The following ADCY5 variants were observed in gnomAD, a reference collection of about 807,000 sequenced individuals.
ADCY5 encodes the protein adenylate cyclase 5, also known as adenylate cyclase type 5.
Under a neutral mutation model 119.7 loss-of-function variants are expected in ADCY5, and 30 were observed. The ratio of observed to expected loss-of-function variants is 0.25; its 90% CI spans 0.19 to 0.34. The LOEUF is 0.34. ADCY5 is among the 10% of genes least tolerant of loss of function. ADCY5 has a pLI of 1.00. For synonymous variants in ADCY5, 753 were observed against 762.2 expected (o/e 0.99, Z 0.20); for missense variants, 1,324 against 1,775.2 (o/e 0.75, Z 4.57).
intron 1 of ADCY5, among the ~76,000 whole-genome samples, chr3:123,435,978 C>G (rs1012807450): frequency 6.0e-5 from 9 of 150,486 alleles, no homozygotes; most frequent in African/African-American, 9.8e-5. Context: ...GCAACCTCTG[C>G]CTCCCGGGTT....
chr3:123,425,001 GTGACTT>G (rs920109853), intron 1 of ADCY5, among the ~76,000 whole-genome samples: 6 of 152,340 alleles, frequency 3.9e-5, no homozygotes, highest in Middle Eastern at 3.4e-3. Context: ...AGGGTCTGTT[GTGACTT>G]CTGGCGCACT....
chr3:123,396,723 GAGGGAGGA>G (rs1405948042), intron 1 of ADCY5, among the ~76,000 whole-genome samples: 102 of 94,888 alleles, frequency 1.1e-3, no homozygotes, highest in African/African-American at 4.3e-3. Flanking sequence ...AGAGAGAAGG[GAGGGAGGA>G]AGGAAGGAAG....
In ADCY5 at chr3:123,448,519, G is replaced by A. The variant is rs2107659497; in HGVS notation, c.27C>T (p.Pro9=). 7.9e-7 allele frequency: 1 copy of A among 1,265,188 alleles called. No individual in the cohort carries two copies. The highest frequency in any genetic ancestry group is 2.9e-5 in the South Asian group (1 of 35,004). 78.4% of individuals were successfully genotyped at this position (1,265,188 alleles called of 1,614,324 possible). The change falls in exon 1 of 21, where the codon CCC becomes CCT. Residue 9 remains proline (P), a synonymous_variant. Transcript: ENST00000462833. Reference sequence around the variant, plus strand: ...CAGTCTTCTGCGCCGCGTAGCCCGGGGGGCTCACGCTTTTGGAGCCGGACA... The same window carrying A: ...CAGTCTTCTGCGCCGCGTAGCCCGGAGGGCTCACGCTTTTGGAGCCGGACA... MSGSKSVS[P]PGYAAQKTAA...
rs990087678 is a variant in ADCY5, at chr3:123,315,012, C to A, written c.2355-690G>T. 2.6e-4 allele frequency among the ~76,000 whole-genome samples: 40 copies of A among 152,326 alleles called. 1 individual carries two copies. The highest frequency in any genetic ancestry group is 1.3e-4 in the Admixed American group (2 of 15,304). ...AGGTGCAGATCACAGGTGACCTTCACAGCCACCACGGGTGGCCACCCTCAG... is the reference window on the plus strand; with the variant it reads ...AGGTGCAGATCACAGGTGACCTTCAAAGCCACCACGGGTGGCCACCCTCAG... On this transcript the variant is annotated intron_variant, in intron 11 of 20. Coordinates refer to ENST00000462833, the MANE Select transcript of ADCY5 (RefSeq NM_183357.3).
At chr3:123,356,915 A>G (rs1943058830) in intron 1 of ADCY5, among the ~76,000 whole-genome samples, 1 of 152,146 alleles carries the variant, frequency 6.6e-6, no homozygotes, top group East Asian at 1.9e-4. Flanking sequence ...ACTCAGCTAT[A>G]AAAAGAAACA....
chr3:123,328,527 G>T, intron 6 of ADCY5, 117 bp downstream of exon 6: 2 of 1,263,058 alleles, frequency 1.6e-6, no homozygotes, highest in Non-Finnish European at 2.2e-6. Flanking sequence ...ACAGGTGCTT[G>T]CTGCCCATCC....
At chr3:123,291,653 G>A (rs1026104337) in intron 17 of ADCY5, among the ~76,000 whole-genome samples, 2 of 152,102 alleles carry the variant, frequency 1.3e-5, no homozygotes, top group African/African-American at 4.8e-5. Flanking sequence ...CCTGCAGCAG[G>A]GAGCCCCGAG....
rs375437829 is a variant in ADCY5, at chr3:123,289,883, G to A, written c.3399C>T (p.Ser1133=). The change falls in exon 19 of 21, where the codon TCC becomes TCT. Residue 1133 remains serine (S), a synonymous_variant. Transcript: ENST00000462833. The stretch of plus-strand genomic sequence containing the variant: ...TGTCGTAGGTAGAGTCGTTGAGGCC[G>A]GAGGCAGCCATGTAGGTGCTGCCGA... The part of the protein sequence containing the change: ...KTIGSTYMAA[S]GLNDSTYDKV... The A allele has an allele frequency of 2.2e-5, 35 of 1,614,088 alleles. No individual in the cohort carries two copies. The highest frequency in any genetic ancestry group is 5.0e-5 in the Admixed American group (3 of 60,006).
Position 123,414,364 on chromosome 3 carries a change from G to C in ADCY5, c.1134+33048C>G, listed in dbSNP as rs115845417. ...TTTTTCTAAACTGTAAAATGGGGATGATAATAGTTTCCACTTCGCTGACAC... is the reference window on the plus strand; with the variant it reads ...TTTTTCTAAACTGTAAAATGGGGATCATAATAGTTTCCACTTCGCTGACAC... On this transcript the variant is annotated intron_variant, in intron 1 of 20. Coordinates refer to ENST00000462833, the MANE Select transcript of ADCY5 (RefSeq NM_183357.3). Among the ~76,000 whole-genome samples the C allele has an allele frequency of 2.9e-3, 440 of 152,284 alleles. 2 individuals are homozygous for C. The highest frequency in any genetic ancestry group is 9.9e-3 in the African/African-American group (413 of 41,540).
chr3:123,331,161 A>T, intron 4 of ADCY5, 145 bp from the exon 5 acceptor site: 8 of 828,572 alleles, frequency 9.7e-6, no homozygotes, highest in East Asian at 2.9e-5. Context: ...GGAACTCGGC[A>T]TGGTCCTGGG....
chr3:123,322,352 C>A (rs975262969), intron 8 of ADCY5, among the ~76,000 whole-genome samples: 1 of 152,204 alleles, frequency 6.6e-6, no homozygotes, highest in African/African-American at 2.4e-5. Flanking sequence ...TTTCCCGATG[C>A]TCCTTTGGTC....
intron 3 of ADCY5, among the ~76,000 whole-genome samples, chr3:123,341,168 C>T (rs1238136976): frequency 6.6e-6 from 1 of 152,004 alleles, no homozygotes; most frequent in African/African-American, 2.4e-5. Context: ...AATATTTGTA[C>T]ACCCATGTTC....
At chr3:123,444,173 T>C (rs1945772387) in intron 1 of ADCY5, among the ~76,000 whole-genome samples, 1 of 152,110 alleles carries the variant, frequency 6.6e-6, no homozygotes, top group East Asian at 1.9e-4. Context: ...TGGCAGATGC[T>C]CCAGTGTTAT....
intron 1 of ADCY5, among the ~76,000 whole-genome samples, chr3:123,430,296 C>T (rs1036773061): frequency 1.9e-4 from 29 of 152,192 alleles, no homozygotes; most frequent in Admixed American, 2.0e-4. Flanking sequence ...CAGATCTGGA[C>T]TCACAGGGAC....
At position 123,289,883 on chromosome 3, in the gene ADCY5, G is replaced by T. The variant is rs375437829; in HGVS notation, c.3399C>A (p.Ser1133=). ...TGTCGTAGGTAGAGTCGTTGAGGCC[G>T]GAGGCAGCCATGTAGGTGCTGCCGA... ...KTIGSTYMAA[S]GLNDSTYDKV... is the part of the protein sequence containing the mutation. The change falls in exon 19 of 21, where the codon TCC becomes TCA. Residue 1133 remains serine, a synonymous_variant. Transcript: ENST00000462833. The T allele has an allele frequency of 6.2e-7, 1 of 1,614,206 alleles. No homozygotes were observed.
chr3:123,427,686 G>A lies in ADCY5; in HGVS notation c.1134+19726C>T, dbSNP rs1178876386. 3.9e-5 allele frequency among the ~76,000 whole-genome samples: 6 copies of A among 152,314 alleles called. No homozygotes were observed. In the East Asian group the frequency reaches 1.2e-3, roughly 29 times the overall value. On this transcript the variant is annotated intron_variant, in intron 1 of 20. Transcript: ENST00000462833. ...TGAGCTTGGGCAAGTTACTTAACCTGCCATACTCAGTGTCCTCATCTGCAA... is the reference window on the plus strand; with the variant it reads ...TGAGCTTGGGCAAGTTACTTAACCTACCATACTCAGTGTCCTCATCTGCAA...
In ADCY5 at chr3:123,330,945, C is replaced by T. The variant is rs1362206254; in HGVS notation, c.1590G>A (p.Arg530=). 6.2e-7 allele frequency: 1 copy of T among 1,613,968 alleles called. No individual in the cohort carries two copies. The change falls in exon 5 of 21, where the codon AGG becomes AGA. Residue 530 remains arginine, a synonymous_variant. Coordinates refer to ENST00000462833, the MANE Select transcript of ADCY5 (RefSeq NM_183357.3). ...CCACACAGCAGTGGGCGTGGTCAGC[C>T]CTTGCTTCAGGCAGCCCCGAGACGC... ...YYCVSGLPEA[R]ADHAHCCVEM...
At chr3:123,434,992 G>C (rs1945582536) in intron 1 of ADCY5, among the ~76,000 whole-genome samples, 1 of 152,130 alleles carries the variant, frequency 6.6e-6, no homozygotes, top group Non-Finnish European at 1.5e-5. Context: ...AGCTTAATAA[G>C]TGAGCACTGA....
intron 1 of ADCY5, among the ~76,000 whole-genome samples, chr3:123,404,747 G>T (rs1388278770): frequency 6.6e-6 from 1 of 152,236 alleles, no homozygotes; most frequent in Non-Finnish European, 1.5e-5. Context: ...TTTGGATTAG[G>T]TGGAGCCTGA....
Sources: allele counts gnomAD v4.1 joint callset (sites outside exome capture counted in the v4.1 genomes callset), GRCh38; gene constraint gnomAD v4.1.1; transcripts MANE v1.5; gene names NCBI Gene and HGNC (gene_info 2026-07-23, HGNC 2026-07-21).